DIAPH2: variants seen among roughly 807,000 people sequenced by gnomAD.
DIAPH2 encodes protein diaphanous homolog 2.
A neutral mutation model predicts 92.7 loss-of-function variants in DIAPH2; 35 were observed. The ratio of observed to expected loss-of-function variants is 0.38; its 90% CI spans 0.29 to 0.50. The LOEUF (loss-of-function observed/expected upper bound fraction) is 0.50. Among genes scored for constraint, DIAPH2 ranks in the 20% least tolerant of loss-of-function variants. DIAPH2 has a pLI of 0.94. For synonymous variants in DIAPH2, 301 were observed against 280.4 expected (o/e 1.07, Z -0.73); for missense variants, 701 against 819.5 (o/e 0.86, Z 1.77).
At chrX:97,167,165 G>C (rs2067418629) in intron 22 of DIAPH2, among the ~76,000 whole-genome samples, 1 of 111,291 alleles carries the variant, frequency 9.0e-6, no homozygotes, top group Admixed American at 9.6e-5. Flanking sequence ...AAGCTGACGA[G>C]AACAATGTTT....
At chrX:97,421,109 G>A (rs2070003814) in intron 25 of DIAPH2, among the ~76,000 whole-genome samples, 1 of 111,566 alleles carries the variant, frequency 9.0e-6, no homozygotes, top group African/African-American at 3.3e-5. Flanking sequence ...AAGTTGCTGA[G>A]GTTTTTTTGA....
intron 25 of DIAPH2, among the ~76,000 whole-genome samples, chrX:97,408,080 C>T (rs1235224403): frequency 9.0e-6 from 1 of 111,203 alleles, no homozygotes. Context: ...AATTCTATAC[C>T]ATTTTCTTAC....
At chrX:96,986,149 T>TA (rs1335990320) in intron 17 of DIAPH2, among the ~76,000 whole-genome samples, 1 of 111,512 alleles carries the variant, frequency 9.0e-6, no homozygotes, top group Non-Finnish European at 1.9e-5. Flanking sequence ...AACACCTACT[T>TA]ATTTATAAGA....
intron 5 of DIAPH2, among the ~76,000 whole-genome samples, chrX:96,909,169 A>G (rs756216696): frequency 8.9e-6 from 1 of 111,964 alleles, no homozygotes; most frequent in Admixed American, 9.5e-5. Flanking sequence ...TTGATTTCTA[A>G]CAAGTTCCCA....
At chrX:97,544,275 A>G (rs187337605) in intron 26 of DIAPH2, among the ~76,000 whole-genome samples, 1 of 112,335 alleles carries the variant, frequency 8.9e-6, no homozygotes. Flanking sequence ...TCTTCTTTCC[A>G]AAAAATGAAA....
chrX:97,487,238 G>A (rs1252707242), intron 26 of DIAPH2, among the ~76,000 whole-genome samples: 1 of 111,914 alleles, frequency 8.9e-6, no homozygotes, highest in Non-Finnish European at 1.9e-5. Context: ...ACATGGGAGT[G>A]CAGATATCAA....
chrX:97,030,304 T>A (rs1009937790), intron 17 of DIAPH2, among the ~76,000 whole-genome samples: 2 of 111,547 alleles, frequency 1.8e-5, no homozygotes, highest in Non-Finnish European at 1.9e-5. Flanking sequence ...AGACTATTAT[T>A]GATAGAGAAA....
chrX:96,730,211 T>C (rs1198148699), intron 1 of DIAPH2, among the ~76,000 whole-genome samples: 3 of 112,261 alleles, frequency 2.7e-5, no homozygotes, highest in Non-Finnish European at 5.6e-5. Flanking sequence ...GAAAAATTTG[T>C]TTTCTAAAAG....
chrX:96,835,107 T>C (rs924710594), intron 4 of DIAPH2, among the ~76,000 whole-genome samples: 1 of 111,626 alleles, frequency 9.0e-6, no homozygotes, highest in Non-Finnish European at 1.9e-5. Flanking sequence ...GAGAGGTTAA[T>C]TGGATAGTCA....
chrX:97,494,815 G>T (rs932047137), intron 26 of DIAPH2, among the ~76,000 whole-genome samples: 7 of 112,499 alleles, frequency 6.2e-5, no homozygotes, highest in African/African-American at 2.3e-4. Flanking sequence ...GACCCTGGTG[G>T]TTCACTGAGG....
chrX:96,859,760 G>A (rs955205644), intron 4 of DIAPH2, among the ~76,000 whole-genome samples: 1 of 109,377 alleles, frequency 9.1e-6, no homozygotes, highest in Non-Finnish European at 1.9e-5. Context: ...TCTTGCCTCA[G>A]CCTCCTGCAT....
At chrX:96,765,500 A>G (rs1459403897) in intron 4 of DIAPH2, among the ~76,000 whole-genome samples, 1 of 111,851 alleles carries the variant, frequency 8.9e-6, no homozygotes. Context: ...CGTCCGGTCC[A>G]CATAATTCTA....
At chrX:96,764,172 C>G (rs2064287446) in intron 4 of DIAPH2, among the ~76,000 whole-genome samples, 1 of 110,876 alleles carries the variant, frequency 9.0e-6, no homozygotes, top group African/African-American at 3.3e-5. Context: ...TGCATGCTGA[C>G]TATAAATGTA....
Position 97,362,784 on chromosome X carries a change from G to C in DIAPH2, c.3009+14504G>C, listed in dbSNP as rs368969532. Reference sequence around the variant, plus strand: ...ATTGGGAAAATTATATTACAAGTTAGAACGTTAAGTGCTATGGAAAGAAGA... The same window carrying C: ...ATTGGGAAAATTATATTACAAGTTACAACGTTAAGTGCTATGGAAAGAAGA... On this transcript the variant is annotated intron_variant, in intron 24 of 26. Transcript: ENST00000324765. 5.2e-4 allele frequency among the ~76,000 whole-genome samples: 58 copies of C among 112,610 alleles called. 5 individuals are homozygous for C. Among genetic ancestry groups the C allele is most frequent in the Admixed American group, 2.8e-3 (30 of 10,633 alleles).
At position 97,009,627 on chromosome X, in the gene DIAPH2, G is replaced by C. The variant is rs191965156; in HGVS notation, c.2050+44420G>C. Reference sequence around the variant, plus strand: ...TGCTAACTACTTAGTCAGTGCCCAAGGGCTCTTTAGTAAGCAGGTGATGAA... The same window carrying C: ...TGCTAACTACTTAGTCAGTGCCCAACGGCTCTTTAGTAAGCAGGTGATGAA... On this transcript the variant is annotated intron_variant, in intron 17 of 26. Coordinates refer to ENST00000324765, the MANE Select transcript of DIAPH2 (RefSeq NM_006729.5). Among the ~76,000 whole-genome samples the C allele has an allele frequency of 1.9e-4, 21 of 112,279 alleles. No homozygotes were observed. In the East Asian group the frequency reaches 5.9e-3, roughly 32 times the overall value.
At chrX:96,800,325 A>G (rs745841026) in intron 4 of DIAPH2, among the ~76,000 whole-genome samples, 1 of 111,759 alleles carries the variant, frequency 8.9e-6, no homozygotes, top group African/African-American at 3.3e-5. Flanking sequence ...ACTATTTTAG[A>G]TTGAGTCCCC....
intron 1 of DIAPH2, among the ~76,000 whole-genome samples, chrX:96,709,998 T>C (rs757993510): frequency 1.8e-5 from 2 of 112,260 alleles, no homozygotes; most frequent in Non-Finnish European, 3.8e-5. Context: ...CAGTATATAG[T>C]GACTGAGTCC....
chrX:97,267,899 T>C, intron 23 of DIAPH2, among the ~76,000 whole-genome samples: 2 of 111,733 alleles, frequency 1.8e-5, no homozygotes, highest in Non-Finnish European at 3.8e-5. Context: ...TGAATAGTTT[T>C]GTCACCTGGG....
At chrX:97,500,430 C>T (rs1034108502) in intron 26 of DIAPH2, among the ~76,000 whole-genome samples, 2 of 110,666 alleles carry the variant, frequency 1.8e-5, no homozygotes, top group Non-Finnish European at 3.8e-5. Context: ...TAGAAACTTC[C>T]TAAGGAATAA....
Sources: gnomAD v4.1 joint callset for allele counts (sites outside exome capture counted in the v4.1 genomes callset) on GRCh38, gnomAD v4.1.1 for gene constraint, MANE v1.5 for transcripts, NCBI Gene and HGNC (gene_info 2026-07-23, HGNC 2026-07-21) for gene names.